Variants in ADAMTS20 observed in about 807,000 individuals in gnomAD.
ADAMTS20 encodes A disintegrin and metalloproteinase with thrombospondin motifs 20.
ADAMTS20 carries 225 observed loss-of-function variants against 260.1 expected under a neutral mutation model. That is an observed-to-expected ratio of 0.87 (90% CI 0.78 to 0.97). The LOEUF (loss-of-function observed/expected upper bound fraction) is 0.97. Among genes scored for constraint, ADAMTS20 ranks in the 50% least tolerant of loss-of-function variants. The probability of loss-of-function intolerance (pLI) is 0.00; values close to 1 mark genes in which losing one functional copy is unlikely to be tolerated. For synonymous variants in ADAMTS20, 802 were observed against 769.5 expected (o/e 1.04, Z -0.70); for missense variants, 2,400 against 2,337.7 (o/e 1.03, Z -0.55).
intron 21 of ADAMTS20, among the ~76,000 whole-genome samples, chr12:43,431,767 C>T (rs1014056117): frequency 6.6e-6 from 1 of 152,078 alleles, no homozygotes; most frequent in African/African-American, 2.4e-5. Flanking sequence ...GCTGTGGACC[C>T]TGGCACTTTC....
At chr12:43,381,780 C>CAAAAAAA (rs765135656) in intron 31 of ADAMTS20, among the ~76,000 whole-genome samples, 8 of 34,516 alleles carry the variant, frequency 2.3e-4, no homozygotes, top group African/African-American at 4.9e-4. Context: ...GACTGCATCT[C>CAAAAAAA]AAAAAAAAAA....
intron 28 of ADAMTS20, among the ~76,000 whole-genome samples, chr12:43,406,213 C>A (rs138089956): frequency 3.0e-4 from 46 of 152,220 alleles, no homozygotes; most frequent in African/African-American, 1.1e-3. Context: ...TCTCTTGGAA[C>A]AATTTGAGAG....
At chr12:43,478,117 C>A (rs1942387302) in intron 7 of ADAMTS20, among the ~76,000 whole-genome samples, 1 of 151,932 alleles carries the variant, frequency 6.6e-6, no homozygotes, top group African/African-American at 2.4e-5. Flanking sequence ...TAAAATTATT[C>A]CACATAAGAT....
At chr12:43,410,429 C>T (rs1197698010) in intron 28 of ADAMTS20, among the ~76,000 whole-genome samples, 1 of 152,110 alleles carries the variant, frequency 6.6e-6, no homozygotes. Flanking sequence ...AATTTTAAAA[C>T]AAGGCAATCC....
chr12:43,451,503 G>A (rs1941863365), intron 14 of ADAMTS20, among the ~76,000 whole-genome samples: 1 of 151,594 alleles, frequency 6.6e-6, no homozygotes, highest in South Asian at 2.1e-4. Context: ...AAAAAAAAGT[G>A]CATTTGACAA....
At chr12:43,411,334 G>A (rs1306252231) in intron 28 of ADAMTS20, among the ~76,000 whole-genome samples, 1 of 151,272 alleles carries the variant, frequency 6.6e-6, no homozygotes, top group African/African-American at 2.4e-5. Flanking sequence ...GATAAAATTG[G>A]TTTTCAAAAA....
chr12:43,416,068 T>C (rs1399825001), intron 28 of ADAMTS20, among the ~76,000 whole-genome samples: 3 of 152,110 alleles, frequency 2.0e-5, no homozygotes, highest in Admixed American at 6.6e-5. Flanking sequence ...CCTCTTTTAC[T>C]CCCACCTTCA....
chr12:43,406,342 C>T (rs544603285), intron 28 of ADAMTS20, among the ~76,000 whole-genome samples: 6 of 152,072 alleles, frequency 3.9e-5, no homozygotes, highest in East Asian at 3.9e-4. Flanking sequence ...CTATTTTATG[C>T]ATCTGCAGCA....
rs1350519814 is a variant in ADAMTS20 at position 43,383,557 on chromosome 12, C to G, written c.4797+1G>C. The G allele has an allele frequency of 6.2e-7, 1 of 1,605,224 alleles. No individual in the cohort carries two copies. Among genetic ancestry groups the G allele is most frequent in the Admixed American group, 1.7e-5 (1 of 58,802 alleles). ...TTCTCAACTTCCTTTCTTTACCTTA[C>G]CTGTGATGAGTCTGCTGTTACCACA... On this transcript the variant is annotated splice_donor_variant, in intron 31 of 38. Transcript: ENST00000389420. LOFTEE classifies it high-confidence loss of function.
intron 36 of ADAMTS20, among the ~76,000 whole-genome samples, chr12:43,372,190 C>G (rs912111807): frequency 6.6e-6 from 1 of 152,044 alleles, no homozygotes; most frequent in Admixed American, 6.6e-5. Context: ...TAATGAGATT[C>G]CCAAATAACA....
intron 28 of ADAMTS20, among the ~76,000 whole-genome samples, chr12:43,405,304 G>A (rs1940894623): frequency 1.4e-5 from 2 of 142,108 alleles, no homozygotes; most frequent in East Asian, 4.1e-4. Flanking sequence ...TGTGGTCCCA[G>A]CTACTTGGGA....
intron 8 of ADAMTS20, among the ~76,000 whole-genome samples, chr12:43,468,154 A>G (rs1255719068): frequency 6.6e-6 from 1 of 152,208 alleles, no homozygotes; most frequent in Non-Finnish European, 1.5e-5. Context: ...ATCTTTTAGT[A>G]ACTAAGAAAT....
chr12:43,484,903 G>A (rs546830095), intron 7 of ADAMTS20, among the ~76,000 whole-genome samples: 19 of 152,092 alleles, frequency 1.2e-4, no homozygotes, highest in African/African-American at 4.6e-4. Context: ...ACAGTCATCA[G>A]GCTATCTAAA....
chr12:43,435,584 T>A (rs1466445506), intron 18 of ADAMTS20, among the ~76,000 whole-genome samples: 6 of 142,014 alleles, frequency 4.2e-5, no homozygotes, highest in Non-Finnish European at 7.5e-5. Flanking sequence ...GAGCTTGCAG[T>A]GAGCCGAGAT....
chr12:43,427,720 CA>C lies in ADAMTS20; in HGVS notation c.3946-252del, dbSNP rs367831333. The stretch of plus-strand genomic sequence containing the variant: ...ATTAGGAAACAATTTTCATTTCTAT[CA>C]TAAGTGTTAAGTAAAAAGAAATTAA... On this transcript the variant is annotated intron_variant, in intron 26 of 38. Transcript: ENST00000389420. 2.0e-4 allele frequency among the ~76,000 whole-genome samples: 30 copies of C among 152,246 alleles called. No individual in the cohort carries two copies. In the East Asian group the frequency reaches 4.2e-3, roughly 22 times the overall value.
At chr12:43,418,509 C>T (rs1357017888) in intron 28 of ADAMTS20, among the ~76,000 whole-genome samples, 1 of 152,126 alleles carries the variant, frequency 6.6e-6, no homozygotes, top group East Asian at 1.9e-4. Flanking sequence ...AGGGTTTCAC[C>T]ATGTTGGCCA....
intron 37 of ADAMTS20, among the ~76,000 whole-genome samples, chr12:43,366,298 T>C (rs1939984685): frequency 6.6e-6 from 1 of 151,900 alleles, no homozygotes; most frequent in South Asian, 2.1e-4. Context: ...GACAGTTATA[T>C]ATTCGTGTAC....
intron 28 of ADAMTS20, among the ~76,000 whole-genome samples, chr12:43,409,585 G>A (rs1940988043): frequency 1.0e-5 from 1 of 100,496 alleles, no homozygotes; most frequent in Admixed American, 1.1e-4. Flanking sequence ...CTGGGCGACA[G>A]AGCGAGACTC....
chr12:43,466,537 T>G, intron 9 of ADAMTS20, 115 bp downstream of exon 9: 1 of 922,754 alleles, frequency 1.1e-6, no homozygotes. Context: ...ACAGTGAAAG[T>G]AAACATAAAT....
Sources: gnomAD v4.1 joint callset for allele counts (sites outside exome capture counted in the v4.1 genomes callset) on GRCh38, gnomAD v4.1.1 for gene constraint, MANE v1.5 for transcripts, NCBI Gene and HGNC (gene_info 2026-07-23, HGNC 2026-07-21) for gene names.